The following MCCC2 variants were observed in gnomAD, a reference collection of about 807,000 sequenced individuals.
The protein encoded by MCCC2 is methylcrotonyl-CoA carboxylase subunit 2, also known as methylcrotonoyl-CoA carboxylase beta chain, mitochondrial.
A neutral mutation model predicts 77.2 loss-of-function variants in MCCC2; 52 were observed. That is an observed-to-expected ratio of 0.67 (90% CI 0.54 to 0.85). MCCC2 has a LOEUF of 0.85. Ranked by LOEUF, MCCC2 falls within the 40% of genes least tolerant of loss-of-function variation. The pLI is 0.00. For synonymous variants in MCCC2, 253 were observed against 248.4 expected (o/e 1.02, Z -0.18); for missense variants, 682 against 703.2 (o/e 0.97, Z 0.34).
At chr5:71,591,638 T>C (rs1744987808) in intron 1 of MCCC2, among the ~76,000 whole-genome samples, 1 of 152,126 alleles carries the variant, frequency 6.6e-6, no homozygotes, top group Non-Finnish European at 1.5e-5. Flanking sequence ...GTTTTCTCCA[T>C]GTTGGTCAGG....
intron 1 of MCCC2, among the ~76,000 whole-genome samples, chr5:71,590,146 C>T (rs12153571): frequency 0.74 from 112,174 of 152,126 alleles, 42,379 homozygotes; most frequent in East Asian, 0.87. Flanking sequence ...AAACACCTGG[C>T]GTCCTGAGAG....
chr5:71,601,243 A>T (rs1351559580), intron 4 of MCCC2, among the ~76,000 whole-genome samples: 1 of 152,202 alleles, frequency 6.6e-6, no homozygotes, highest in Admixed American at 6.5e-5. Context: ...CCATGGTCAC[A>T]TAACTAACAA....
At chr5:71,642,265 C>T (rs12522269) in intron 11 of MCCC2, among the ~76,000 whole-genome samples, 101,295 of 146,622 alleles carry the variant, frequency 0.69, 37,740 homozygotes, top group East Asian at 0.88. Flanking sequence ...GTGGGGGTGG[C>T]GGATAAGAAG....
At chr5:71,614,161 C>T (rs779357988) in intron 6 of MCCC2, among the ~76,000 whole-genome samples, 6 of 151,640 alleles carry the variant, frequency 4.0e-5, no homozygotes, top group East Asian at 1.9e-4. Flanking sequence ...TTTAATGAAC[C>T]GTATTTTTAA....
In MCCC2 at chr5:71,651,723, T is replaced by C. The variant is rs73763912; in HGVS notation, c.1489-946T>C. On this transcript the variant is annotated intron_variant, in intron 15 of 16. Transcript: ENST00000340941. The stretch of plus-strand genomic sequence containing the variant: ...TCAGATTCACTTTAGTACCTACTAG[T>C]ATCAAAGGAAACAGATAGCTTTGCT... Among the ~76,000 whole-genome samples the C allele has an allele frequency of 5.3e-3, 807 of 152,288 alleles. 10 individuals are homozygous for C. The highest frequency in any genetic ancestry group is 0.018 in the African/African-American group (767 of 41,556).
chr5:71,594,770 G>A (rs1161912975), intron 2 of MCCC2, among the ~76,000 whole-genome samples: 1 of 152,130 alleles, frequency 6.6e-6, no homozygotes, highest in East Asian at 1.9e-4. Context: ...TGTGCTCTGT[G>A]AGCCTGCATC....
At chr5:71,653,693 A>G (rs929954499) in intron 16 of MCCC2, among the ~76,000 whole-genome samples, 28 of 151,936 alleles carry the variant, frequency 1.8e-4, no homozygotes, top group African/African-American at 6.5e-4. Context: ...TACAAAAAAT[A>G]TACAAAAATT....
At chr5:71,635,764 A>T (rs188709704) in intron 10 of MCCC2, 1 of 205,426 alleles carries the variant, frequency 4.9e-6, no homozygotes, top group Admixed American at 5.3e-5. Flanking sequence ...TAGAGCATAT[A>T]GTCTTTTATT....
intron 12 of MCCC2, among the ~76,000 whole-genome samples, 183 bp downstream of exon 12, chr5:71,644,078 T>TGTGC (rs1433949707): frequency 2.0e-5 from 3 of 149,012 alleles, no homozygotes; most frequent in East Asian, 3.9e-4. Flanking sequence ...TGTGCGCGCG[T>TGTGC]GTGTATATAT....
chr5:71,593,033 A>G, intron 2 of MCCC2, 41 bp downstream of exon 2: 1 of 1,487,048 alleles, frequency 6.7e-7, no homozygotes, highest in Non-Finnish European at 9.4e-7. Context: ...CCTTTACTTA[A>G]GATGTCCTAA....
At chr5:71,646,864 C>T (rs926610227) in intron 13 of MCCC2, among the ~76,000 whole-genome samples, 9 of 152,128 alleles carry the variant, frequency 5.9e-5, no homozygotes, top group Admixed American at 3.3e-4. Context: ...GCACGTGCTA[C>T]GGTCTTCCCT....
intron 7 of MCCC2, among the ~76,000 whole-genome samples, chr5:71,628,601 A>G (rs1223859656): frequency 6.6e-6 from 1 of 152,234 alleles, no homozygotes; most frequent in African/African-American, 2.4e-5. Flanking sequence ...ATATGTGGAT[A>G]TGCAGTTGTT....
At chr5:71,636,025 T>C (rs1746914332) in intron 10 of MCCC2, 2 of 263,320 alleles carry the variant, frequency 7.6e-6, no homozygotes, top group Non-Finnish European at 1.6e-5. Context: ...CATTTTTATG[T>C]AGTTGAGATA....
intron 10 of MCCC2, chr5:71,635,656 A>G (rs891506674): frequency 6.1e-5 from 21 of 343,396 alleles, no homozygotes; most frequent in South Asian, 4.7e-4. Context: ...TCAATATGAC[A>G]TTTGCAATGA....
intron 15 of MCCC2, among the ~76,000 whole-genome samples, chr5:71,650,903 C>A (rs1747421043): frequency 6.6e-6 from 1 of 152,196 alleles, no homozygotes; most frequent in African/African-American, 2.4e-5. Context: ...CTCGCCTTGG[C>A]CTCCCAAAGT....
chr5:71,596,129 G>C, intron 2 of MCCC2, 151 bp from the exon 3 acceptor site: 2 of 719,908 alleles, frequency 2.8e-6, no homozygotes, highest in Non-Finnish European at 4.8e-6. Flanking sequence ...TTGGCAACTT[G>C]TAAGTTGAGT....
At chr5:71,648,330 A>T (rs987247101) in intron 13 of MCCC2, among the ~76,000 whole-genome samples, 1 of 152,210 alleles carries the variant, frequency 6.6e-6, no homozygotes, top group Admixed American at 6.5e-5. Flanking sequence ...TAAGGCAGAG[A>T]AAGAGGAACC....
At chr5:71,592,838 GTTTT>G (rs371137817) in intron 1 of MCCC2, 84 bp from the exon 2 acceptor site, 88 of 822,008 alleles carry the variant, frequency 1.1e-4, no homozygotes, top group Non-Finnish European at 1.3e-4. Flanking sequence ...ACAGACCACT[GTTTT>G]TTTTTTTTTT....
intron 6 of MCCC2, among the ~76,000 whole-genome samples, chr5:71,607,825 C>T (rs1359358782): frequency 3.4e-5 from 5 of 147,550 alleles, no homozygotes; most frequent in Admixed American, 6.8e-5. Flanking sequence ...GCCTTCATTT[C>T]GTTATGTACC....
Sources: gnomAD v4.1 joint callset for allele counts (sites outside exome capture counted in the v4.1 genomes callset) on GRCh38, gnomAD v4.1.1 for gene constraint, MANE v1.5 for transcripts, NCBI Gene and HGNC (gene_info 2026-07-23, HGNC 2026-07-21) for gene names.